PRKCA: variants seen among roughly 807,000 people sequenced by gnomAD.
PRKCA encodes the protein protein kinase C alpha type.
Under a neutral mutation model 87.0 loss-of-function variants are expected in PRKCA, and 27 were observed. The ratio of observed to expected loss-of-function variants is 0.31; its 90% confidence interval spans 0.23 to 0.43. The LOEUF (loss-of-function observed/expected upper bound fraction) is 0.43, where lower values mean the gene tolerates loss of function less well. Among genes scored for constraint, PRKCA ranks in the 20% least tolerant of loss-of-function variants. The probability of loss-of-function intolerance (pLI) is 1.00; values close to 1 mark genes in which losing one functional copy is unlikely to be tolerated. For missense variants in PRKCA, 518 were observed against 852.3 expected, an observed-to-expected ratio of 0.61 and a Z score of 4.88; for synonymous variants, 329 against 311.1, an observed-to-expected ratio of 1.06 and a Z score of -0.61.
rs145609120 is a variant in PRKCA at position 66,328,693 on chromosome 17, C to A, written c.205+22566C>A. The stretch of plus-strand genomic sequence containing the variant: ...CGTGCCTGTAATCCCAGCTACTTGG[C>A]AGGATGAGGCAGGAGAATCTTTTGA... On this transcript the variant is annotated intron_variant, in intron 2 of 16. Coordinates refer to ENST00000413366, the MANE Select transcript of PRKCA (RefSeq NM_002737.3). 1.2e-3 allele frequency among the ~76,000 whole-genome samples: 175 copies of A among 152,142 alleles called. 4 individuals are homozygous for A. In the East Asian group the frequency reaches 0.026, roughly 22 times the overall value.
At chr17:66,456,419 A>G (rs911925108) in intron 2 of PRKCA, among the ~76,000 whole-genome samples, 2 of 152,284 alleles carry the variant, frequency 1.3e-5, no homozygotes, top group Middle Eastern at 3.4e-3. Flanking sequence ...TAAGTGGCCT[A>G]TTCTAAGTTT....
At chr17:66,392,740 A>G (rs1264385201) in intron 2 of PRKCA, among the ~76,000 whole-genome samples, 1 of 152,218 alleles carries the variant, frequency 6.6e-6, no homozygotes, top group Non-Finnish European at 1.5e-5. Flanking sequence ...TTTTAATAAT[A>G]GCTTAATTTT....
chr17:66,556,195 A>C (rs1448053465), intron 3 of PRKCA, among the ~76,000 whole-genome samples: 1 of 152,094 alleles, frequency 6.6e-6, no homozygotes, highest in Non-Finnish European at 1.5e-5. Context: ...ACTGAAAGGC[A>C]CTTTAAAAAT....
intron 3 of PRKCA, among the ~76,000 whole-genome samples, chr17:66,513,675 A>C (rs2144184644): frequency 6.6e-6 from 1 of 152,288 alleles, no homozygotes; most frequent in South Asian, 2.1e-4. Flanking sequence ...GGTGAGCAGT[A>C]GGGTGTTGTT....
rs148888786 is a variant in PRKCA at position 66,440,086 on chromosome 17, A to G, written c.206-56115A>G. Among the ~76,000 whole-genome samples, 1,348 of 152,302 alleles carry G rather than the reference A, an allele frequency of 8.9e-3. 8 individuals carry two copies. Among genetic ancestry groups the G allele is most frequent in the Admixed American group, 0.013 (199 of 15,306 alleles). On this transcript the variant is annotated intron_variant, in intron 2 of 16. Coordinates refer to ENST00000413366, the MANE Select transcript of PRKCA (RefSeq NM_002737.3). ...ATGTATTAAGAAGGTTGCTTACTGT[A>G]GGCTTTGATTTATTTATTTCCTATG...
At chr17:66,347,865 C>T (rs981663588) in intron 2 of PRKCA, among the ~76,000 whole-genome samples, 1 of 151,234 alleles carries the variant, frequency 6.6e-6, no homozygotes, top group Non-Finnish European at 1.5e-5. Context: ...AGTGGCTGCT[C>T]AGCTCAAGAC....
intron 14 of PRKCA, among the ~76,000 whole-genome samples, chr17:66,786,315 T>A (rs1358347064): frequency 6.6e-6 from 1 of 152,170 alleles, no homozygotes. Flanking sequence ...AGGAGTCCAA[T>A]GGAAGCTAAG....
rs941025379 is a variant in PRKCA, at chr17:66,444,536, C to T, written c.206-51665C>T. Among the ~76,000 whole-genome samples, 3 of 152,110 alleles carry T rather than the reference C, an allele frequency of 2.0e-5. No individual in the cohort carries two copies. In the South Asian group the frequency reaches 6.2e-4, roughly 32 times the overall value. On this transcript the variant is annotated intron_variant, in intron 2 of 16. Transcript: ENST00000413366. ...ATATGAGGGCTCAGGACTCAGAGCCCTCCTTCTTTATGACCTTCCAGGGAA... is the reference window on the plus strand; with the variant it reads ...ATATGAGGGCTCAGGACTCAGAGCCTTCCTTCTTTATGACCTTCCAGGGAA...
intron 2 of PRKCA, among the ~76,000 whole-genome samples, chr17:66,430,138 C>T (rs1332008897): frequency 6.6e-6 from 1 of 152,154 alleles, no homozygotes; most frequent in African/African-American, 2.4e-5. Flanking sequence ...CTGCTGGGAA[C>T]TGGCCCTCAT....
intron 2 of PRKCA, among the ~76,000 whole-genome samples, chr17:66,323,983 C>A (rs1326071797): frequency 6.6e-6 from 1 of 152,026 alleles, no homozygotes; most frequent in Non-Finnish European, 1.5e-5. Context: ...ATTTACTTGT[C>A]TAAACTTCAC....
intron 2 of PRKCA, among the ~76,000 whole-genome samples, chr17:66,376,495 C>G (rs1909423761): frequency 6.6e-6 from 1 of 151,994 alleles, no homozygotes. Flanking sequence ...GTAAGTCCAG[C>G]TACTTGGGAG....
chr17:66,617,495 T>C (rs1353045769), intron 3 of PRKCA, among the ~76,000 whole-genome samples: 4 of 152,148 alleles, frequency 2.6e-5, no homozygotes, highest in East Asian at 1.9e-4. Flanking sequence ...CAGGCCAAGA[T>C]GTGTCCCTAA....
chr17:66,392,011 A>G (rs1910386863), intron 2 of PRKCA, among the ~76,000 whole-genome samples: 1 of 152,156 alleles, frequency 6.6e-6, no homozygotes, highest in Non-Finnish European at 1.5e-5. Context: ...CTGGCAGATC[A>G]CAGGGTCAGG....
intron 2 of PRKCA, among the ~76,000 whole-genome samples, chr17:66,327,567 G>A (rs560030534): frequency 6.7e-4 from 102 of 152,084 alleles, no homozygotes; most frequent in African/African-American, 2.4e-3. Context: ...TGTTTCTATC[G>A]TCATGTGCTC....
chr17:66,654,421 C>CAGCAGCAGCAG (rs34737326), intron 5 of PRKCA, among the ~76,000 whole-genome samples: 5 of 151,600 alleles, frequency 3.3e-5, no homozygotes, highest in African/African-American at 1.2e-4. Context: ...ATCATCATCA[C>CAGCAGCAGCAG]CAGCAGCAGC....
chr17:66,347,959 T>TTTTTTTTTTTG (rs1484921279), intron 2 of PRKCA, among the ~76,000 whole-genome samples: 1 of 143,318 alleles, frequency 7.0e-6, no homozygotes, highest in African/African-American at 2.6e-5. Context: ...TTTTTTTTTT[T>TTTTTTTTTTTG]TGAGACAAAG....
chr17:66,662,777 C>T (rs1229609505), intron 5 of PRKCA, among the ~76,000 whole-genome samples: 1 of 151,912 alleles, frequency 6.6e-6, no homozygotes, highest in Non-Finnish European at 1.5e-5. Context: ...AGATTAAAGA[C>T]AGCAATGGTA....
chr17:66,445,736 T>A (rs1291609905), intron 2 of PRKCA, among the ~76,000 whole-genome samples: 1 of 152,066 alleles, frequency 6.6e-6, no homozygotes. Context: ...GCAGAAGTGC[T>A]GCTCTTTGGT....
intron 2 of PRKCA, among the ~76,000 whole-genome samples, chr17:66,482,467 G>A (rs937216416): frequency 1.3e-5 from 2 of 152,102 alleles, no homozygotes; most frequent in Non-Finnish European, 2.9e-5. Flanking sequence ...CAGACTCTCA[G>A]TGATCTTTAC....
Sources: gnomAD v4.1 joint callset for allele counts (sites outside exome capture counted in the v4.1 genomes callset) on GRCh38, gnomAD v4.1.1 for gene constraint, MANE v1.5 for transcripts, NCBI Gene and HGNC (gene_info 2026-07-23, HGNC 2026-07-21) for gene names.